NLGN1: variants seen among roughly 807,000 people sequenced by gnomAD.
NLGN1 encodes the protein neuroligin 1.
NLGN1 carries 12 observed loss-of-function variants against 65.5 expected under a neutral mutation model. That is an observed-to-expected ratio of 0.18 (90% confidence interval 0.12 to 0.30). NLGN1 has a LOEUF of 0.30. Among genes scored for constraint, NLGN1 ranks in the 10% least tolerant of loss-of-function variants. The probability of loss-of-function intolerance (pLI) is 1.00; values close to 1 mark genes in which losing one functional copy is unlikely to be tolerated. For synonymous variants in NLGN1, 350 were observed against 359.5 expected, an observed-to-expected ratio of 0.97 and a Z score of 0.30; for missense variants, 750 against 1,007.1, an observed-to-expected ratio of 0.74 and a Z score of 3.46.
chr3:173,912,611 C>T (rs552084076), intron 4 of NLGN1: 5 of 152,116 alleles, frequency 3.3e-5, no homozygotes, highest in East Asian at 1.9e-4. Context: ...AAAAACAATC[C>T]GCATTCCTAG....
chr3:173,536,470 A>C (rs187169799), intron 2 of NLGN1, among the ~76,000 whole-genome samples: 134 of 152,356 alleles, frequency 8.8e-4, no homozygotes, highest in East Asian at 3.9e-4. Context: ...GTAAGATATT[A>C]AGGCAGTATT....
chr3:173,940,851 ATTG>A (rs1206945095), intron 4 of NLGN1, among the ~76,000 whole-genome samples: 2 of 152,202 alleles, frequency 1.3e-5, no homozygotes, highest in Non-Finnish European at 2.9e-5. Context: ...CCAACTGCTT[ATTG>A]TTATAAATTT....
At position 174,280,193 on chromosome 3, in the gene NLGN1, A is replaced by G. The variant is rs1751302748; in HGVS notation, c.1650-288A>G. Among the ~76,000 whole-genome samples the G allele has an allele frequency of 6.6e-6, 1 of 151,982 alleles. No homozygotes were observed. The highest frequency in any genetic ancestry group is 1.5e-5 in the Non-Finnish European group (1 of 67,922). On this transcript the variant is annotated intron_variant, in intron 6 of 6. Transcript: ENST00000457714. The surrounding 1 kb of genome is among the most constrained non-coding windows in gnomAD (Gnocchi z 4.9). Reference sequence around the variant, plus strand: ...TGCTAGCTTGCCTATGAGACAACTCATACGTATGTGAGTATTTAAATAATT... The same window carrying G: ...TGCTAGCTTGCCTATGAGACAACTCGTACGTATGTGAGTATTTAAATAATT...
intron 2 of NLGN1, among the ~76,000 whole-genome samples, chr3:173,440,831 C>G (rs1399280547): frequency 6.6e-6 from 1 of 152,140 alleles, no homozygotes; most frequent in East Asian, 1.9e-4. Flanking sequence ...GCATTAGCCC[C>G]TAACAAAAGA....
intron 3 of NLGN1, among the ~76,000 whole-genome samples, chr3:173,674,532 A>C (rs1762871669): frequency 1.3e-5 from 2 of 152,176 alleles, no homozygotes; most frequent in Non-Finnish European, 2.9e-5. Flanking sequence ...AGGAAAAAAG[A>C]ATTGTAATGT....
chr3:173,426,941 G>C (rs1433302223), intron 1 of NLGN1, among the ~76,000 whole-genome samples: 5 of 152,018 alleles, frequency 3.3e-5, no homozygotes, highest in African/African-American at 1.2e-4. Context: ...ACTTAGCAAT[G>C]AAATTATCTG....
At chr3:174,018,057 T>G (rs1386492448) in intron 4 of NLGN1, among the ~76,000 whole-genome samples, 1 of 152,100 alleles carries the variant, frequency 6.6e-6, no homozygotes, top group Admixed American at 6.6e-5. Context: ...TTCAGAGGCC[T>G]ACCCCTGGGA....
chr3:174,224,337 A>G (rs918350291), intron 4 of NLGN1, among the ~76,000 whole-genome samples: 3 of 152,208 alleles, frequency 2.0e-5, no homozygotes, highest in Non-Finnish European at 4.4e-5. Context: ...CAATTTCAAC[A>G]TCTCAAAAAA....
intron 4 of NLGN1, among the ~76,000 whole-genome samples, chr3:173,933,905 C>T (rs1234341244): frequency 6.6e-6 from 1 of 151,894 alleles, no homozygotes; most frequent in East Asian, 1.9e-4. Flanking sequence ...TGTCAGATCA[C>T]AGTCCTTTGT....
intron 3 of NLGN1, among the ~76,000 whole-genome samples, chr3:173,683,719 A>C (rs1764290233): frequency 1.3e-5 from 2 of 152,220 alleles, no homozygotes; most frequent in Non-Finnish European, 2.9e-5. Flanking sequence ...AGTTGATACG[A>C]TCAAATAAGA....
intron 4 of NLGN1, among the ~76,000 whole-genome samples, chr3:174,252,507 T>G (rs1222408474): frequency 1.3e-5 from 2 of 152,132 alleles, no homozygotes; most frequent in Non-Finnish European, 2.9e-5. Context: ...CTATTTTTTT[T>G]TCCTTGACTA....
chr3:173,874,003 G>C (rs1017179166), intron 4 of NLGN1, among the ~76,000 whole-genome samples: 4 of 152,170 alleles, frequency 2.6e-5, no homozygotes, highest in African/African-American at 9.7e-5. Flanking sequence ...GCAGCCATGT[G>C]AGGACACAGT....
intron 3 of NLGN1, among the ~76,000 whole-genome samples, chr3:173,663,873 T>TC (rs1177388201): frequency 1.3e-5 from 2 of 151,170 alleles, no homozygotes; most frequent in Admixed American, 6.6e-5. Context: ...TTTTTTTTTT[T>TC]CCATTATGAG....
intron 5 of NLGN1, among the ~76,000 whole-genome samples, chr3:174,275,816 C>CAA (rs1553988612): frequency 1.3e-5 from 2 of 151,850 alleles, no homozygotes; most frequent in Non-Finnish European, 2.9e-5. Flanking sequence ...AAAAATCAGA[C>CAA]AAAGACGTTC....
At chr3:173,861,757 T>TATTC (rs1256876040) in intron 4 of NLGN1, among the ~76,000 whole-genome samples, 1 of 151,878 alleles carries the variant, frequency 6.6e-6, no homozygotes, top group East Asian at 1.9e-4. Context: ...TTTTTCATTT[T>TATTC]ATTTATTTAT....
At chr3:174,070,071 T>C (rs113095862) in intron 4 of NLGN1, among the ~76,000 whole-genome samples, 2 of 152,194 alleles carry the variant, frequency 1.3e-5, no homozygotes, top group African/African-American at 4.8e-5. Context: ...GCTGTTCTTA[T>C]GGTGACGATG....
At chr3:173,399,255 A>C (rs1353094646) in intron 1 of NLGN1, among the ~76,000 whole-genome samples, 1 of 152,194 alleles carries the variant, frequency 6.6e-6, no homozygotes, top group Non-Finnish European at 1.5e-5. Context: ...TAAGCCTGCT[A>C]TTCTGCAGTT....
intron 4 of NLGN1, among the ~76,000 whole-genome samples, chr3:173,940,460 C>T (rs1247937030): frequency 1.3e-5 from 2 of 152,122 alleles, no homozygotes; most frequent in Non-Finnish European, 2.9e-5. Context: ...AATAATGGAA[C>T]TCTTTAACTC....
chr3:173,791,695 C>T (rs1184974697), intron 3 of NLGN1, among the ~76,000 whole-genome samples: 1 of 151,968 alleles, frequency 6.6e-6, no homozygotes, highest in Non-Finnish European at 1.5e-5. Flanking sequence ...GTCTATGCTA[C>T]ACCCACACCC....
Sources: gnomAD v4.1 joint callset for allele counts (sites outside exome capture counted in the v4.1 genomes callset) on GRCh38, gnomAD v4.1.1 for gene constraint, Gnocchi (gnomAD v3.1) non-coding constraint, MANE v1.5 for transcripts, NCBI Gene and HGNC (gene_info 2026-07-23, HGNC 2026-07-21) for gene names.